MAP4K3: variants seen among roughly 807,000 people sequenced by gnomAD.
The protein encoded by MAP4K3 is mitogen-activated protein kinase kinase kinase kinase 3.
A neutral mutation model predicts 143.5 loss-of-function variants in MAP4K3; 94 were observed. The ratio of observed to expected loss-of-function variants is 0.65; its 90% CI spans 0.55 to 0.78. The LOEUF is 0.78. Ranked by LOEUF, MAP4K3 falls within the 30% of genes least tolerant of loss-of-function variation. The pLI, the probability that MAP4K3 is intolerant of heterozygous loss-of-function variation, is 0.00. For missense variants in MAP4K3, 1,077 were observed against 1,068.1 expected (o/e 1.01, Z -0.12); for synonymous variants, 416 against 347.2 (o/e 1.20, Z -2.20).
Position 39,406,223 on chromosome 2 carries a change from T to C in MAP4K3, c.97-28100A>G, listed in dbSNP as rs547544526. Among the ~76,000 whole-genome samples the C allele has an allele frequency of 2.6e-5, 4 of 151,894 alleles. No individual in the cohort carries two copies. In the East Asian group the frequency reaches 7.8e-4, roughly 29 times the overall value. ...AAAAAGAATTAAAAAAACAAGCACATCTGCAAGATCTAGAAAAAAGCCTCC... is the reference window on the plus strand; with the variant it reads ...AAAAAGAATTAAAAAAACAAGCACACCTGCAAGATCTAGAAAAAAGCCTCC... On this transcript the variant is annotated intron_variant, in intron 1 of 33. Transcript: ENST00000263881.
At chr2:39,289,760 T>G (rs1370580618) in intron 19 of MAP4K3, among the ~76,000 whole-genome samples, 2 of 152,216 alleles carry the variant, frequency 1.3e-5, no homozygotes, top group African/African-American at 4.8e-5. Context: ...TCATTTTCAG[T>G]GTAAATTCCT....
intron 6 of MAP4K3, among the ~76,000 whole-genome samples, chr2:39,336,344 G>A (rs760316974): frequency 3.3e-5 from 5 of 151,734 alleles, no homozygotes; most frequent in Admixed American, 2.6e-4. Context: ...ATGGTGGCAG[G>A]TGGCTGTAAT....
At chr2:39,254,784 T>C (rs1387114181) in intron 31 of MAP4K3, among the ~76,000 whole-genome samples, 4 of 152,220 alleles carry the variant, frequency 2.6e-5, no homozygotes, top group Admixed American at 2.6e-4. Flanking sequence ...TTTACTTTGT[T>C]GGCCAGGCTA....
At chr2:39,415,689 C>T (rs1024442520) in intron 1 of MAP4K3, among the ~76,000 whole-genome samples, 7 of 151,512 alleles carry the variant, frequency 4.6e-5, no homozygotes, top group Non-Finnish European at 1.0e-4. Flanking sequence ...CGGTGGCTCA[C>T]GCCTATAATC....
At chr2:39,336,403 G>A (rs1394185861) in intron 6 of MAP4K3, among the ~76,000 whole-genome samples, 1 of 149,744 alleles carries the variant, frequency 6.7e-6, no homozygotes, top group African/African-American at 2.5e-5. Flanking sequence ...AACCCGGGAG[G>A]GGAGGTTGCA....
intron 15 of MAP4K3, among the ~76,000 whole-genome samples, chr2:39,300,094 G>C (rs761810695): frequency 6.6e-6 from 1 of 151,992 alleles, no homozygotes; most frequent in Non-Finnish European, 1.5e-5. Flanking sequence ...AAAGAAAAAA[G>C]CTCAAATAAG....
intron 4 of MAP4K3, among the ~76,000 whole-genome samples, chr2:39,342,134 A>G (rs1364521426): frequency 1.4e-5 from 2 of 148,064 alleles, no homozygotes; most frequent in African/African-American, 4.9e-5. Context: ...TATTATTATT[A>G]TTATTATTAT....
intron 2 of MAP4K3, 143 bp downstream of exon 2, chr2:39,377,923 T>C (rs1666262066): frequency 4.8e-6 from 3 of 620,294 alleles, no homozygotes; most frequent in African/African-American, 3.9e-5. Context: ...CTTGAAGAAG[T>C]GGAGGAAAGG....
intron 1 of MAP4K3, among the ~76,000 whole-genome samples, chr2:39,382,870 T>C (rs1236741106): frequency 2.0e-5 from 3 of 152,184 alleles, no homozygotes; most frequent in African/African-American, 7.2e-5. Flanking sequence ...ACAGGAATGA[T>C]GGCATGAAGA....
chr2:39,436,594 T>C (rs1665489221), intron 1 of MAP4K3: 14 of 415,552 alleles, frequency 3.4e-5, no homozygotes, highest in South Asian at 2.7e-4. Flanking sequence ...CTCTGCACTA[T>C]GGATGAGCAG....
At chr2:39,318,977 G>A (rs72925254) in intron 12 of MAP4K3, among the ~76,000 whole-genome samples, 1 of 152,008 alleles carries the variant, frequency 6.6e-6, no homozygotes, top group South Asian at 2.1e-4. Context: ...CAATATCTGG[G>A]GACATTTTTT....
chr2:39,384,242 G>A (rs866308520), intron 1 of MAP4K3, among the ~76,000 whole-genome samples: 14 of 152,048 alleles, frequency 9.2e-5, no homozygotes, highest in Middle Eastern at 3.4e-3. Context: ...AAACAGCACT[G>A]TCGGCCGGGC....
chr2:39,430,375 CATT>C (rs902358562), intron 1 of MAP4K3, among the ~76,000 whole-genome samples: 1 of 151,990 alleles, frequency 6.6e-6, no homozygotes, highest in African/African-American at 2.4e-5. Context: ...GTAGGCAGTA[CATT>C]ATTACATTAG....
At chr2:39,408,391 T>C (rs1667151478) in intron 1 of MAP4K3, among the ~76,000 whole-genome samples, 1 of 152,230 alleles carries the variant, frequency 6.6e-6, no homozygotes, top group Non-Finnish European at 1.5e-5. Flanking sequence ...TTAAGGGTCA[T>C]TAGACACGAT....
intron 3 of MAP4K3, among the ~76,000 whole-genome samples, chr2:39,351,186 C>A (rs866062802): frequency 4.6e-5 from 7 of 152,260 alleles, no homozygotes; most frequent in African/African-American, 1.7e-4. Flanking sequence ...CTATGTACCC[C>A]CTTTTCCCTC....
intron 1 of MAP4K3, among the ~76,000 whole-genome samples, chr2:39,435,548 C>A (rs977413725): frequency 6.6e-6 from 1 of 152,202 alleles, no homozygotes; most frequent in African/African-American, 2.4e-5. Context: ...ATACCCTAAA[C>A]AGGATCAGGT....
intron 2 of MAP4K3, among the ~76,000 whole-genome samples, chr2:39,362,489 C>T (rs992909857): frequency 6.6e-6 from 1 of 152,058 alleles, no homozygotes; most frequent in Non-Finnish European, 1.5e-5. Context: ...AAAAAGAATA[C>T]CTAGTAATAG....
chr2:39,372,269 T>G (rs1005404117), intron 2 of MAP4K3, among the ~76,000 whole-genome samples: 1 of 151,532 alleles, frequency 6.6e-6, no homozygotes, highest in Non-Finnish European at 1.5e-5. Context: ...AAAACATTGA[T>G]GTAAGAAATT....
intron 3 of MAP4K3, among the ~76,000 whole-genome samples, chr2:39,350,384 A>G (rs1665418599): frequency 6.6e-6 from 1 of 152,204 alleles, no homozygotes; most frequent in South Asian, 2.1e-4. Flanking sequence ...CATCAGAGAA[A>G]GCTGAGTGAA....
Sources: allele counts gnomAD v4.1 joint callset (sites outside exome capture counted in the v4.1 genomes callset), GRCh38; gene constraint gnomAD v4.1.1; transcripts MANE v1.5; gene names NCBI Gene and HGNC (gene_info 2026-07-23, HGNC 2026-07-21).